Variants in LINGO3 observed in about 807,000 individuals in gnomAD.
LINGO3 encodes leucine-rich repeat and immunoglobulin-like domain-containing nogo receptor-interacting protein 3.
For missense variants in LINGO3, 750 were observed against 867.7 expected (o/e 0.86, Z 1.70); for synonymous variants, 427 against 444.2 (o/e 0.96, Z 0.49).
At chr19:2,288,966 GGTGTGTGTCTCGGGTGTGAGCT>G (rs1223236112), downstream of LINGO3, among the ~76,000 whole-genome samples, 1 of 55,766 alleles carries the variant, frequency 1.8e-5, no homozygotes, top group Non-Finnish European at 2.6e-5. This position sits in a 1 kb window ranked among gnomAD's most constrained non-coding sequence, Gnocchi z 6.5. Context: ...TGGGTGTGAG[GGTGTGTGTCTCGGGTGTGAGCT>G]GTGTGTGTCC....
At chr19:2,288,966 GGTGT>G (rs2025489891), downstream of LINGO3, among the ~76,000 whole-genome samples, 1 of 55,766 alleles carries the variant, frequency 1.8e-5, no homozygotes, top group Non-Finnish European at 2.6e-5. The surrounding 1 kb of genome is among the most constrained non-coding windows in gnomAD (Gnocchi z 6.5). Context: ...TGGGTGTGAG[GGTGT>G]GTGTCTCGGG....
chr19:2,290,277 C>CT lies in LINGO3; in HGVS notation c.1499dup (p.Pro501AlafsTer160), dbSNP rs1568411493. 3 of 1,591,484 alleles carry CT rather than the reference C, an allele frequency of 1.9e-6. No individual in the cohort carries two copies. The highest frequency in any genetic ancestry group is 2.6e-6 in the Non-Finnish European group (3 of 1,173,466). On this transcript the variant is annotated frameshift_variant, in exon 1 of 1. Coordinates refer to ENST00000585527, the Ensembl canonical transcript of LINGO3. LOFTEE classifies it low-confidence loss of function (END_TRUNC). The surrounding 1 kb of genome is among the most constrained non-coding windows in gnomAD (Gnocchi z 6.0). ...CGCCCGGGGTCCGGTTGGCGGCCGG[C>CT]TCGGGGCGCACGGTCAGCGTGGCGA... is the stretch of plus-strand genomic sequence containing the variant.
the LINGO3 span, among the ~76,000 whole-genome samples, chr19:2,301,166 G>C: frequency 6.6e-6 from 1 of 152,146 alleles, no homozygotes; most frequent in Non-Finnish European, 1.5e-5. Context: ...GAGAGAGGAG[G>C]TGAATCCCAG....
the LINGO3 span, among the ~76,000 whole-genome samples, chr19:2,299,455 G>A: frequency 2.0e-5 from 3 of 151,524 alleles, no homozygotes; most frequent in East Asian, 3.9e-4. Context: ...ATGGAGTCTC[G>A]CTCTGTCGCC....
At chr19:2,291,612 C>T in exon 1 of LINGO3, 2 of 1,494,374 alleles carry the variant, frequency 1.3e-6, no homozygotes, top group Non-Finnish European at 1.8e-6. Context: ...GCAGGCGGGT[C>T]TCGGCCGGGA....
chr19:2,307,653 C>G, the LINGO3 span, among the ~76,000 whole-genome samples: 1 of 152,218 alleles, frequency 6.6e-6, no homozygotes, highest in Non-Finnish European at 1.5e-5. Context: ...CTCCGCACCC[C>G]CAGGCTGGAC....
upstream of LINGO3, among the ~76,000 whole-genome samples, chr19:2,294,833 C>T (rs920166400): frequency 6.6e-6 from 1 of 152,014 alleles, no homozygotes; most frequent in Non-Finnish European, 1.5e-5. This position sits in a 1 kb window ranked among gnomAD's most constrained non-coding sequence, Gnocchi z 4.3. Flanking sequence ...TTGGAGGGAG[C>T]GGGAGGAAGC....
chr19:2,291,507 G>A (rs2025521863), exon 1 of LINGO3: 1 of 1,610,798 alleles, frequency 6.2e-7, no homozygotes, highest in Non-Finnish European at 8.5e-7. Context: ...CCACGTGCGC[G>A]ATGGCGTTCT....
exon 1 of LINGO3, chr19:2,289,897 C>A: frequency 1.0e-6 from 1 of 973,598 alleles, no homozygotes. Flanking sequence ...GCCTGGGGAG[C>A]GCCGTGCAGC....
At chr19:2,289,561 C>T (rs1216300902), downstream of LINGO3, among the ~76,000 whole-genome samples, 2 of 152,060 alleles carry the variant, frequency 1.3e-5, no homozygotes, top group Non-Finnish European at 2.9e-5. Flanking sequence ...CGGGTGTCCA[C>T]CGTCTCCCCG....
At chr19:2,299,770 C>G in the LINGO3 span, among the ~76,000 whole-genome samples, 2 of 139,836 alleles carry the variant, frequency 1.4e-5, no homozygotes, top group Middle Eastern at 3.8e-3. Context: ...GACGCCCAGG[C>G]TGGAGTGCAG....
the LINGO3 span, among the ~76,000 whole-genome samples, chr19:2,304,770 C>T: frequency 4.0e-5 from 5 of 124,394 alleles, no homozygotes; most frequent in South Asian, 2.8e-4. Context: ...CAGGCTGGTG[C>T]GATCTTGGCT....
At chr19:2,304,396 C>T in the LINGO3 span, among the ~76,000 whole-genome samples, 4 of 152,104 alleles carry the variant, frequency 2.6e-5, no homozygotes, top group African/African-American at 7.2e-5. Flanking sequence ...CACAGCCAGC[C>T]GGTTCTAATC....
chr19:2,303,206 T>A, the LINGO3 span, among the ~76,000 whole-genome samples: 1 of 152,212 alleles, frequency 6.6e-6, no homozygotes, highest in Non-Finnish European at 1.5e-5. Context: ...ACATCTCGCA[T>A]CAATGCAATC....
downstream of LINGO3, among the ~76,000 whole-genome samples, chr19:2,288,662 G>C (rs925845425): frequency 4.6e-5 from 7 of 152,192 alleles, no homozygotes; most frequent in Admixed American, 6.5e-5. The surrounding 1 kb of genome is among the most constrained non-coding windows in gnomAD (Gnocchi z 6.5). Context: ...GGACAGCCCT[G>C]CTGGGCTGTG....
the LINGO3 span, among the ~76,000 whole-genome samples, chr19:2,305,988 T>TC: frequency 3.3e-5 from 5 of 152,144 alleles, no homozygotes; most frequent in African/African-American, 1.2e-4. Context: ...CTGCTGTTAG[T>TC]CCCCGTCAAC....
chr19:2,291,372 C>T, exon 1 of LINGO3: 2 of 1,613,486 alleles, frequency 1.2e-6, no homozygotes, highest in Non-Finnish European at 1.7e-6. Context: ...CCAGCTTGTT[C>T]TCGCTCAGGT....
chr19:2,294,606 A>AG (rs2025557032), upstream of LINGO3, among the ~76,000 whole-genome samples: 3 of 138,208 alleles, frequency 2.2e-5, no homozygotes, highest in Non-Finnish European at 4.8e-5. This position sits in a 1 kb window ranked among gnomAD's most constrained non-coding sequence, Gnocchi z 4.3. Context: ...GAGAGAGTGG[A>AG]GGGGGGCGGG....
rs759614365 is a variant in LINGO3 at position 2,290,622 on chromosome 19, C to A, written c.1155G>T (p.Val385=). The change falls in exon 1 of 1, where the codon GTG becomes GTT. Residue 385 remains valine (V), a synonymous_variant. Transcript: ENST00000585527. This position sits in a 1 kb window ranked among gnomAD's most constrained non-coding sequence, Gnocchi z 6.0. ...GCAGGTTTCGCAGCGCGTCGCCGCG[C>A]ACCTCGGCCGGGGTGGCGCAGGCCG... 1 of 1,594,648 alleles carries A rather than the reference C, an allele frequency of 6.3e-7. No homozygotes were observed. The highest frequency in any genetic ancestry group is 8.5e-7 in the Non-Finnish European group (1 of 1,174,352).
Sources: gnomAD v4.1 joint callset for allele counts (sites outside exome capture counted in the v4.1 genomes callset) on GRCh38, gnomAD v4.1.1 for gene constraint, Gnocchi (gnomAD v3.1) non-coding constraint, MANE v1.5 for transcripts, NCBI Gene and HGNC (gene_info 2026-07-23, HGNC 2026-07-21) for gene names.